SYT9: variants seen among roughly 807,000 people sequenced by gnomAD.
SYT9 encodes the protein synaptotagmin-9.
SYT9 carries 22 observed loss-of-function variants against 48.4 expected under a neutral mutation model. That is an observed-to-expected ratio of 0.45 (90% CI 0.32 to 0.65). The LOEUF is 0.65. Ranked by LOEUF, SYT9 falls within the 30% of genes least tolerant of loss-of-function variation. SYT9 has a pLI of 0.03. For synonymous variants in SYT9, 265 were observed against 245.0 expected, an observed-to-expected ratio of 1.08 and a Z score of -0.76; for missense variants, 577 against 622.0, an observed-to-expected ratio of 0.93 and a Z score of 0.77.
intron 3 of SYT9, among the ~76,000 whole-genome samples, chr11:7,391,075 A>C (rs987716068): frequency 6.6e-6 from 1 of 152,102 alleles, no homozygotes; most frequent in African/African-American, 2.4e-5. Flanking sequence ...GAGAATACAT[A>C]ATATTGGTTT....
intron 6 of SYT9, among the ~76,000 whole-genome samples, chr11:7,452,118 A>AAC (rs142000557): frequency 0.042 from 6,149 of 147,550 alleles, 185 homozygotes; most frequent in African/African-American, 0.089. Context: ...TTATATTTAA[A>AAC]ACACACACAC....
At chr11:7,347,956 C>T (rs914175271) in intron 3 of SYT9, among the ~76,000 whole-genome samples, 4 of 152,166 alleles carry the variant, frequency 2.6e-5, no homozygotes, top group African/African-American at 4.8e-5. Flanking sequence ...CGTGAAACAG[C>T]GACTCTGCTC....
chr11:7,384,817 A>G (rs1249383831), intron 3 of SYT9, among the ~76,000 whole-genome samples: 6 of 151,924 alleles, frequency 3.9e-5, no homozygotes, highest in Non-Finnish European at 7.4e-5. Flanking sequence ...ATCATTTTCA[A>G]TCTCTTTGTT....
At chr11:7,288,584 T>C (rs540417079) in intron 1 of SYT9, among the ~76,000 whole-genome samples, 7 of 152,326 alleles carry the variant, frequency 4.6e-5, no homozygotes, top group Middle Eastern at 3.4e-3. Flanking sequence ...GAGTCCCCCA[T>C]TGGGGATATG....
At chr11:7,254,885 C>G (rs1195289186) in intron 1 of SYT9, among the ~76,000 whole-genome samples, 1 of 152,138 alleles carries the variant, frequency 6.6e-6, no homozygotes, top group Non-Finnish European at 1.5e-5. Context: ...AGGGCACAGA[C>G]CAGCGGGCCT....
chr11:7,460,562 G>A (rs1848218280), intron 6 of SYT9, among the ~76,000 whole-genome samples: 1 of 152,052 alleles, frequency 6.6e-6, no homozygotes, highest in Non-Finnish European at 1.5e-5. Context: ...ATACATTTAG[G>A]TGAAATGATG....
At position 7,466,944 on chromosome 11, in the gene SYT9, C is replaced by T. The variant is rs4586135; in HGVS notation, c.*144C>T. The T allele has an allele frequency of 9.5e-7, 1 of 1,054,938 alleles. No individual in the cohort carries two copies. The highest frequency in any genetic ancestry group is 1.4e-6 in the Non-Finnish European group (1 of 707,934). The allele number at this position is 1,054,938 out of a possible 1,614,324, so 65.3% of individuals were successfully genotyped here. A position where few individuals can be genotyped will look rare whatever the true frequency, so the allele number is the denominator to read the frequency against. ...TGTAACCACAGCACTAACTGGCCTTCTTTCCAGATTGGGTTTGGTGAACCT... is the reference window on the plus strand; with the variant it reads ...TGTAACCACAGCACTAACTGGCCTTTTTTCCAGATTGGGTTTGGTGAACCT... On this transcript the variant is annotated 3_prime_UTR_variant, in exon 7 of 7. Coordinates refer to ENST00000318881, the MANE Select transcript of SYT9 (RefSeq NM_175733.4).
intron 1 of SYT9, among the ~76,000 whole-genome samples, chr11:7,281,867 A>G (rs1848499972): frequency 6.6e-6 from 1 of 152,214 alleles, no homozygotes; most frequent in South Asian, 2.1e-4. Context: ...ATTGTTAAAT[A>G]AGTTCATTCT....
At chr11:7,372,698 C>T (rs761288047) in intron 3 of SYT9, among the ~76,000 whole-genome samples, 1 of 152,120 alleles carries the variant, frequency 6.6e-6, no homozygotes, top group Non-Finnish European at 1.5e-5. Flanking sequence ...TTCTTAGCCA[C>T]TGGTCTCATT....
At chr11:7,411,400 T>C (rs78674178) in intron 3 of SYT9, among the ~76,000 whole-genome samples, 2 of 152,318 alleles carry the variant, frequency 1.3e-5, no homozygotes, top group African/African-American at 4.8e-5. Context: ...GTTTAGGACT[T>C]CTTTGGATAT....
chr11:7,285,817 C>A (rs1848585781), intron 1 of SYT9, among the ~76,000 whole-genome samples: 1 of 152,164 alleles, frequency 6.6e-6, no homozygotes, highest in Non-Finnish European at 1.5e-5. Flanking sequence ...AGGCCCTATG[C>A]AAGTCTGAAA....
At chr11:7,301,342 G>T (rs1848916543) in intron 1 of SYT9, among the ~76,000 whole-genome samples, 1 of 152,138 alleles carries the variant, frequency 6.6e-6, no homozygotes, top group Non-Finnish European at 1.5e-5. Flanking sequence ...AGCAATTTTT[G>T]ATAAACAGTT....
intron 3 of SYT9, among the ~76,000 whole-genome samples, chr11:7,339,010 A>G (rs1315954293): frequency 1.3e-5 from 2 of 152,178 alleles, no homozygotes; most frequent in Non-Finnish European, 2.9e-5. Context: ...AATTTGCTTT[A>G]TGAATCTGGG....
intron 3 of SYT9, among the ~76,000 whole-genome samples, chr11:7,415,731 T>C (rs1847231980): frequency 6.6e-6 from 1 of 152,028 alleles, no homozygotes; most frequent in Non-Finnish European, 1.5e-5. Context: ...CACTGGAGGA[T>C]GTGTTCTGGG....
At chr11:7,319,948 T>G (rs911878569) in intron 3 of SYT9, among the ~76,000 whole-genome samples, 1 of 152,230 alleles carries the variant, frequency 6.6e-6, no homozygotes, top group African/African-American at 2.4e-5. Context: ...AGAAGAATTT[T>G]TTAATCTAGT....
intron 6 of SYT9, among the ~76,000 whole-genome samples, chr11:7,430,604 T>C (rs190524462): frequency 1.2e-3 from 189 of 152,302 alleles, no homozygotes; most frequent in Admixed American, 3.8e-3. Context: ...TCATGTTGAA[T>C]TGTAATCCCC....
chr11:7,318,383 G>A (rs1292742074), intron 3 of SYT9, among the ~76,000 whole-genome samples: 2 of 151,894 alleles, frequency 1.3e-5, no homozygotes, highest in African/African-American at 2.4e-5. Context: ...GCGCAATCAA[G>A]GCTCACTGCA....
intron 3 of SYT9, among the ~76,000 whole-genome samples, chr11:7,371,999 A>G (rs2134031715): frequency 6.6e-6 from 1 of 152,254 alleles, no homozygotes; most frequent in Middle Eastern, 3.4e-3. Context: ...GTGTGGACTT[A>G]TGTTTCTATT....
intron 1 of SYT9, among the ~76,000 whole-genome samples, chr11:7,243,712 G>A (rs142710905): frequency 4.3e-4 from 65 of 152,298 alleles, no homozygotes; most frequent in African/African-American, 1.5e-3. Context: ...GATGGGGGAG[G>A]TTTGCTGTGG....
Sources: allele counts gnomAD v4.1 joint callset (sites outside exome capture counted in the v4.1 genomes callset), GRCh38; gene constraint gnomAD v4.1.1; transcripts MANE v1.5; gene names NCBI Gene and HGNC (gene_info 2026-07-23, HGNC 2026-07-21).